The following FAM222B variants were observed in gnomAD, a reference collection of about 807,000 sequenced individuals.
FAM222B encodes family with sequence similarity 222 member B.
FAM222B carries 12 observed loss-of-function variants against 38.0 expected under a neutral mutation model. The observed-to-expected ratio is 0.32, with a 90% CI of 0.20 to 0.51. FAM222B has a LOEUF of 0.51. FAM222B is among the 20% of genes least tolerant of loss of function. The probability of loss-of-function intolerance (pLI) is 0.97; values close to 1 mark genes in which losing one functional copy is unlikely to be tolerated. For missense variants in FAM222B, 716 were observed against 754.2 expected (o/e 0.95, Z 0.59); for synonymous variants, 329 against 317.2 (o/e 1.04, Z -0.40).
intron 1 of FAM222B, among the ~76,000 whole-genome samples, chr17:28,826,090 G>A (rs550917230): frequency 6.7e-6 from 1 of 148,818 alleles, no homozygotes; most frequent in East Asian, 2.0e-4. Flanking sequence ...GTTTTTTTGA[G>A]ACTGAGTCTT....
Position 28,790,884 on chromosome 17 carries a change from C to CATTTTTTTTTTTTTT in FAM222B, c.-40-24178_-40-24177insAAAAAAAAAAAAAAT, listed in dbSNP as rs71135852. ...GTTCTATATATTTCAAATTGTTTCA[C>CATTTTTTTTTTTTTT]TTTTTTTTTTTTTTTTTTTTTTTTT... On this transcript the variant is annotated intron_variant, in intron 1 of 2. Coordinates refer to ENST00000581407, the MANE Select transcript of FAM222B (RefSeq NM_001077498.3). Among the ~76,000 whole-genome samples, 448 of 86,090 alleles carry CATTTTTTTTTTTTTT rather than the reference C, an allele frequency of 5.2e-3. 190 individuals are homozygous for CATTTTTTTTTTTTTT. The highest frequency in any genetic ancestry group is 7.7e-3 in the African/African-American group (167 of 21,604). 56.5% of individuals were successfully genotyped at this position (86,090 alleles called of 152,430 possible).
chr17:28,830,288 A>G (rs1228672248), intron 1 of FAM222B, among the ~76,000 whole-genome samples: 1 of 151,512 alleles, frequency 6.6e-6, no homozygotes, highest in Non-Finnish European at 1.5e-5. Context: ...CGGCCTCCCA[A>G]GCAGCTGGGA....
At chr17:28,834,080 T>C (rs879616629) in intron 1 of FAM222B, among the ~76,000 whole-genome samples, 21 of 152,200 alleles carry the variant, frequency 1.4e-4, no homozygotes, top group East Asian at 3.8e-4. Flanking sequence ...ATAAAGTCAA[T>C]GAGATCCTTT....
At chr17:28,847,903 G>C (rs2039156506) in intron 1 of FAM222B, among the ~76,000 whole-genome samples, 1 of 144,888 alleles carries the variant, frequency 6.9e-6, no homozygotes, top group Admixed American at 7.0e-5. Flanking sequence ...GAAAGAGCGA[G>C]ACTCCGCCTC....
intron 1 of FAM222B, 107 bp downstream of exon 1, chr17:28,842,575 C>A (rs1306732945): frequency 6.6e-6 from 1 of 152,466 alleles, no homozygotes; most frequent in Non-Finnish European, 1.5e-5. Context: ...ACCTCCCCCA[C>A]GCCCTTCCGT....
chr17:28,810,783 C>T (rs1043904196), intron 1 of FAM222B, among the ~76,000 whole-genome samples: 2 of 152,216 alleles, frequency 1.3e-5, no homozygotes, highest in Admixed American at 6.5e-5. Flanking sequence ...AAGTAAGCTT[C>T]GTAATCCCTA....
chr17:28,759,165 A>C lies in FAM222B; in HGVS notation c.794T>G (p.Leu265Arg). ...GTTGATCTGGTGCACGATGCTACTC[A>C]GGTCCGGAGGCTGGCTGTGCTGCAG... Reference protein sequence around the residue: ...ATLQHSQPPDLSSIVHQINQF... With the variant: ...ATLQHSQPPDRSSIVHQINQF... The change falls in exon 3 of 3, where the codon CTG becomes CGG. Residue 265 changes from leucine to arginine, a missense_variant. By Grantham distance (102) the Leu-to-Arg change is moderately radical. Coordinates refer to ENST00000581407, the MANE Select transcript of FAM222B (RefSeq NM_001077498.3). This position sits in a 1 kb window ranked among gnomAD's most constrained non-coding sequence, Gnocchi z 4.8. The C allele has an allele frequency of 6.2e-7, 1 of 1,612,782 alleles. No homozygotes were observed. Among genetic ancestry groups the C allele is most frequent in the Non-Finnish European group, 8.5e-7 (1 of 1,179,408 alleles).
chr17:28,843,382 C>T (rs1030070865), upstream of FAM222B, among the ~76,000 whole-genome samples: 1 of 150,690 alleles, frequency 6.6e-6, no homozygotes, highest in Non-Finnish European at 1.5e-5. Context: ...GGTGATCCAC[C>T]CACCTCAGCC....
At chr17:28,801,423 C>T (rs1487131822) in intron 1 of FAM222B, among the ~76,000 whole-genome samples, 1 of 140,044 alleles carries the variant, frequency 7.1e-6, no homozygotes, top group Non-Finnish European at 1.5e-5. Context: ...CACTGCACTC[C>T]AGTCTGGGCG....
At chr17:28,841,397 C>T (rs1414131885) in intron 1 of FAM222B, among the ~76,000 whole-genome samples, 5 of 152,308 alleles carry the variant, frequency 3.3e-5, no homozygotes, top group East Asian at 1.9e-4. Flanking sequence ...TTTTTCCAGA[C>T]GGAGTCTCGC....
chr17:28,789,271 T>G (rs2036562662), intron 1 of FAM222B, among the ~76,000 whole-genome samples: 1 of 150,896 alleles, frequency 6.6e-6, no homozygotes, highest in East Asian at 1.9e-4. Flanking sequence ...GAATCTCAGC[T>G]CATTGCAACC....
chr17:28,836,236 C>T (rs1260902232), intron 1 of FAM222B, among the ~76,000 whole-genome samples: 1 of 151,962 alleles, frequency 6.6e-6, no homozygotes, highest in Non-Finnish European at 1.5e-5. Flanking sequence ...GATCCACCCG[C>T]CTCGGCCTCC....
At chr17:28,831,961 G>A (rs1485917648) in intron 1 of FAM222B, among the ~76,000 whole-genome samples, 1 of 152,106 alleles carries the variant, frequency 6.6e-6, no homozygotes, top group Non-Finnish European at 1.5e-5. Context: ...AGGCCGAGGA[G>A]GGCAGATCAC....
At chr17:28,835,347 T>C (rs2038807183) in intron 1 of FAM222B, among the ~76,000 whole-genome samples, 1 of 152,070 alleles carries the variant, frequency 6.6e-6, no homozygotes, top group Admixed American at 6.6e-5. Flanking sequence ...CAGTGAACTC[T>C]TTAAAAATGA....
chr17:28,772,941 T>G (rs1001730227), intron 1 of FAM222B, among the ~76,000 whole-genome samples: 1 of 152,072 alleles, frequency 6.6e-6, no homozygotes, highest in Non-Finnish European at 1.5e-5. Context: ...AAAGAGGCAT[T>G]AATGAATTTA....
chr17:28,783,011 G>C (rs2036228839), intron 1 of FAM222B, among the ~76,000 whole-genome samples: 2 of 151,384 alleles, frequency 1.3e-5, no homozygotes, highest in African/African-American at 4.9e-5. Context: ...GGCGGTGGGT[G>C]CCTGTAGCCC....
intron 1 of FAM222B, among the ~76,000 whole-genome samples, chr17:28,818,093 G>A (rs950553689): frequency 6.6e-6 from 1 of 152,054 alleles, no homozygotes; most frequent in East Asian, 1.9e-4. Flanking sequence ...GGGTGTAGGG[G>A]GTGGTTTATA....
chr17:28,781,368 AAT>A (rs145636101), intron 1 of FAM222B, among the ~76,000 whole-genome samples: 12 of 150,394 alleles, frequency 8.0e-5, no homozygotes, highest in Non-Finnish European at 1.0e-4. Flanking sequence ...TGGCTATTAA[AAT>A]ATATATATAT....
chr17:28,768,576 C>T (rs1198128063), intron 1 of FAM222B, among the ~76,000 whole-genome samples: 1 of 152,012 alleles, frequency 6.6e-6, no homozygotes, highest in Non-Finnish European at 1.5e-5. Context: ...GTGGCTCACA[C>T]CTGTAATCCC....
Sources: gnomAD v4.1 joint callset for allele counts (sites outside exome capture counted in the v4.1 genomes callset) on GRCh38, gnomAD v4.1.1 for gene constraint, Gnocchi (gnomAD v3.1) non-coding constraint, MANE v1.5 for transcripts, NCBI Gene and HGNC (gene_info 2026-07-23, HGNC 2026-07-21) for gene names.